TMEM132D: variants seen among roughly 807,000 people sequenced by gnomAD.
TMEM132D encodes mature OL transmembrane protein.
In TMEM132D, 21 loss-of-function variants were observed where a neutral mutation model predicts 62.3. The ratio of observed to expected loss-of-function variants is 0.34; its 90% CI spans 0.24 to 0.49. The LOEUF (loss-of-function observed/expected upper bound fraction) is 0.49, where lower values mean the gene tolerates loss of function less well. TMEM132D is among the 20% of genes least tolerant of loss of function. The probability of loss-of-function intolerance (pLI) is 0.99; values close to 1 mark genes in which losing one functional copy is unlikely to be tolerated. For synonymous variants in TMEM132D, 621 were observed against 575.6 expected, an observed-to-expected ratio of 1.08 and a Z score of -1.13; for missense variants, 1,346 against 1,402.8, an observed-to-expected ratio of 0.96 and a Z score of 0.65.
chr12:129,080,537 A>ATGTT (rs1473098509), intron 7 of TMEM132D, among the ~76,000 whole-genome samples: 11 of 152,232 alleles, frequency 7.2e-5, no homozygotes, highest in African/African-American at 2.7e-4. Context: ...CAGAATGGAT[A>ATGTT]TGTTTTAAAT....
intron 1 of TMEM132D, among the ~76,000 whole-genome samples, chr12:129,755,034 A>C (rs967852651): frequency 6.6e-6 from 1 of 152,300 alleles, no homozygotes; most frequent in South Asian, 2.1e-4. Context: ...TGTCCTTTCA[A>C]TGTTATTGTT....
intron 1 of TMEM132D, among the ~76,000 whole-genome samples, chr12:129,714,737 C>T (rs953181008): frequency 5.9e-5 from 9 of 151,826 alleles, no homozygotes; most frequent in Non-Finnish European, 8.8e-5. Flanking sequence ...TCAATAAATC[C>T]GGGAAAGAAA....
chr12:129,641,982 T>C (rs1328030212), intron 2 of TMEM132D, among the ~76,000 whole-genome samples: 1 of 152,072 alleles, frequency 6.6e-6, no homozygotes. Flanking sequence ...ACATGTCTCA[T>C]AGAACACTTT....
intron 4 of TMEM132D, among the ~76,000 whole-genome samples, chr12:129,295,260 C>T (rs747925242): frequency 3.9e-5 from 6 of 152,030 alleles, no homozygotes; most frequent in African/African-American, 7.3e-5. Flanking sequence ...GCTGGCTAGA[C>T]GCTACGGAAC....
rs141856857 is a variant in TMEM132D, at chr12:129,702,789, T to A, written c.80-2091A>T. On this transcript the variant is annotated intron_variant, in intron 1 of 8. Coordinates refer to ENST00000422113, the MANE Select transcript of TMEM132D (RefSeq NM_133448.3). Reference sequence around the variant, plus strand: ...TGCCTGGTAAATGTCAGGTACTCAATAAATATTTGATAAACACGTGAATGA... The same window carrying A: ...TGCCTGGTAAATGTCAGGTACTCAAAAAATATTTGATAAACACGTGAATGA... Among the ~76,000 whole-genome samples the A allele has an allele frequency of 5.7e-3, 875 of 152,382 alleles. 5 individuals carry two copies. Among genetic ancestry groups the A allele is most frequent in the South Asian group, 0.02 (98 of 4,834 alleles).
chr12:129,767,016 T>C (rs543638767), intron 1 of TMEM132D, among the ~76,000 whole-genome samples: 1 of 152,342 alleles, frequency 6.6e-6, no homozygotes, highest in Non-Finnish European at 1.5e-5. Context: ...CCCTGGGCTG[T>C]TGCTCTCTGT....
chr12:129,372,407 C>A (rs1398381707), intron 3 of TMEM132D, among the ~76,000 whole-genome samples: 1 of 152,046 alleles, frequency 6.6e-6, no homozygotes, highest in African/African-American at 2.4e-5. Flanking sequence ...TGCTCCTCAT[C>A]GTTGATGTTA....
intron 3 of TMEM132D, among the ~76,000 whole-genome samples, chr12:129,438,768 G>A (rs1039638827): frequency 6.6e-6 from 1 of 152,130 alleles, no homozygotes; most frequent in Admixed American, 6.5e-5. Context: ...TTGTACATGG[G>A]ATAGCTCAGT....
chr12:129,435,410 C>T (rs747738716), intron 3 of TMEM132D, among the ~76,000 whole-genome samples: 4 of 152,124 alleles, frequency 2.6e-5, no homozygotes, highest in Admixed American at 6.5e-5. Context: ...ATGTCCATAG[C>T]GGCTATACTA....
chr12:129,081,839 G>T lies in TMEM132D; in HGVS notation c.1843C>A (p.Gln615Lys), dbSNP rs2135616061. Reference protein sequence around the residue: ...DITELINDFMQVEEPRIAKLQ... With the variant: ...DITELINDFMKVEEPRIAKLQ... ...TTGGCGATCCTGGGCTCCTCCACCT[G>T]CATGAAGTCATTTATCAGCTCCGTG... is the stretch of plus-strand genomic sequence containing the variant. The change falls in exon 7 of 9, where the codon CAG becomes AAG. Residue 615 changes from glutamine (Q) to lysine (K), a missense_variant. By Grantham distance (53) the Gln-to-Lys change is moderately conservative. Coordinates refer to ENST00000422113, the MANE Select transcript of TMEM132D (RefSeq NM_133448.3). 2 of 1,613,418 alleles carry T rather than the reference G, an allele frequency of 1.2e-6. No homozygotes were observed. The highest frequency in any genetic ancestry group is 2.2e-5 in the East Asian group (1 of 44,840).
intron 3 of TMEM132D, among the ~76,000 whole-genome samples, chr12:129,479,052 C>A (rs1443189524): frequency 6.6e-6 from 1 of 152,146 alleles, no homozygotes; most frequent in African/African-American, 2.4e-5. Flanking sequence ...TGATTTTGTA[C>A]TTTACACTAT....
intron 1 of TMEM132D, among the ~76,000 whole-genome samples, chr12:129,887,288 T>A (rs905672009): frequency 2.0e-5 from 3 of 152,032 alleles, no homozygotes; most frequent in African/African-American, 7.2e-5. Flanking sequence ...CACGTGGCAA[T>A]CCCAGGCTAG....
At chr12:129,520,223 C>T (rs1183515485) in intron 3 of TMEM132D, among the ~76,000 whole-genome samples, 1 of 152,142 alleles carries the variant, frequency 6.6e-6, no homozygotes, top group African/African-American at 2.4e-5. Context: ...CTGGAGAGAA[C>T]AATAGTACAC....
At chr12:129,672,851 G>A (rs766280972) in intron 2 of TMEM132D, among the ~76,000 whole-genome samples, 26 of 152,096 alleles carry the variant, frequency 1.7e-4, no homozygotes, top group Non-Finnish European at 3.2e-4. Context: ...GGGTTCAAGC[G>A]ATTCTCCTGC....
chr12:129,142,297 A>G (rs142065513), intron 5 of TMEM132D, among the ~76,000 whole-genome samples: 2 of 152,288 alleles, frequency 1.3e-5, no homozygotes, highest in East Asian at 3.9e-4. Flanking sequence ...CTCAGCTGAA[A>G]GCAACCCTGA....
At chr12:129,286,242 G>C (rs1442507164) in intron 4 of TMEM132D, among the ~76,000 whole-genome samples, 1 of 152,204 alleles carries the variant, frequency 6.6e-6, no homozygotes, top group Non-Finnish European at 1.5e-5. Context: ...CAAAGCAGAA[G>C]GAGTACAGAA....
intron 3 of TMEM132D, among the ~76,000 whole-genome samples, chr12:129,403,804 G>A (rs889081084): frequency 2.6e-5 from 4 of 152,164 alleles, no homozygotes; most frequent in Non-Finnish European, 4.4e-5. Context: ...TACTAGGAAG[G>A]TAGGCAGAGG....
chr12:129,471,995 A>G (rs113364720), intron 3 of TMEM132D, among the ~76,000 whole-genome samples: 6 of 152,354 alleles, frequency 3.9e-5, no homozygotes, highest in African/African-American at 1.4e-4. Flanking sequence ...AACAGAATCA[A>G]CTGTCTCCAT....
At chr12:129,543,802 G>A (rs1049982174) in intron 2 of TMEM132D, among the ~76,000 whole-genome samples, 1 of 152,132 alleles carries the variant, frequency 6.6e-6, no homozygotes, top group African/African-American at 2.4e-5. Flanking sequence ...TCGATGTAAA[G>A]CATTTATAGA....
Sources: allele counts gnomAD v4.1 joint callset (sites outside exome capture counted in the v4.1 genomes callset), GRCh38; gene constraint gnomAD v4.1.1; transcripts MANE v1.5; gene names NCBI Gene and HGNC (gene_info 2026-07-23, HGNC 2026-07-21).